The following PSMB7 variants were observed in gnomAD, a reference collection of about 807,000 sequenced individuals.
PSMB7 encodes the protein proteasome 20S subunit beta 7, also known as proteasome subunit beta type-7.
PSMB7 carries 5 observed loss-of-function variants against 28.1 expected under a neutral mutation model. The ratio of observed to expected loss-of-function variants is 0.18; its 90% confidence interval spans 0.09 to 0.37. PSMB7 has a LOEUF of 0.37. PSMB7 is among the 10% of genes least tolerant of loss of function. The pLI is 1.00. For missense variants in PSMB7, 275 were observed against 346.2 expected (o/e 0.79, Z 1.63); for synonymous variants, 122 against 123.7 (o/e 0.99, Z 0.09).
At chr9:124,381,817 G>A (rs941027056) in intron 6 of PSMB7, among the ~76,000 whole-genome samples, 5 of 152,150 alleles carry the variant, frequency 3.3e-5, no homozygotes, top group Non-Finnish European at 7.3e-5. Context: ...ACAGTTAGTG[G>A]CTTGGTCTTC....
At chr9:124,402,465 CT>C (rs1830920661) in intron 5 of PSMB7, among the ~76,000 whole-genome samples, 1 of 152,158 alleles carries the variant, frequency 6.6e-6, no homozygotes. Flanking sequence ...AATTTGATGA[CT>C]TTATCAAGGT....
At position 124,361,984 on chromosome 9, in the gene PSMB7, A is replaced by T. The variant is rs184940556; in HGVS notation, c.571-5069T>A. 2.6e-3 allele frequency among the ~76,000 whole-genome samples: 396 copies of T among 152,362 alleles called. 6 individuals are homozygous for T. Among genetic ancestry groups the T allele is most frequent in the Admixed American group, 0.023 (359 of 15,308 alleles). ...GTGCCAGCCAATGGGCACTCTGGAC[A>T]GTTCAGCATCAAATTAATACTCTTT... On this transcript the variant is annotated intron_variant, in intron 6 of 7. Coordinates refer to ENST00000259457, the MANE Select transcript of PSMB7 (RefSeq NM_002799.4).
chr9:124,410,442 T>C (rs559761331), intron 4 of PSMB7, among the ~76,000 whole-genome samples: 34 of 152,288 alleles, frequency 2.2e-4, no homozygotes, highest in Admixed American at 5.2e-4. Flanking sequence ...CTTTATTACA[T>C]AGACACATCG....
chr9:124,384,542 C>T, intron 6 of PSMB7, 56 bp downstream of exon 6: 1 of 1,511,980 alleles, frequency 6.6e-7, no homozygotes, highest in Non-Finnish European at 9.1e-7. Flanking sequence ...TGTAAATGTT[C>T]AAGATAAAAC....
chr9:124,414,611 T>TAAAA (rs11418169), intron 2 of PSMB7, among the ~76,000 whole-genome samples: 2 of 141,062 alleles, frequency 1.4e-5, no homozygotes, highest in Non-Finnish European at 3.1e-5. Context: ...CTGACCTGTT[T>TAAAA]AAAAAAAAAA....
chr9:124,406,725 G>A lies in PSMB7; in HGVS notation c.396-1293C>T, dbSNP rs549340669. On this transcript the variant is annotated intron_variant, in intron 4 of 7. Transcript: ENST00000259457. The stretch of plus-strand genomic sequence containing the variant: ...CATAGGATAAACTTACACTTCCTCA[G>A]GAACATCACAGGAATATATTTTCCA... Among the ~76,000 whole-genome samples the A allele has an allele frequency of 2.0e-5, 3 of 152,204 alleles. No individual in the cohort carries two copies. In the East Asian group the frequency reaches 5.8e-4, roughly 29 times the overall value.
At chr9:124,411,928 A>T (rs947185235) in intron 4 of PSMB7, among the ~76,000 whole-genome samples, 6 of 151,712 alleles carry the variant, frequency 4.0e-5, no homozygotes, top group Admixed American at 3.9e-4. Context: ...CCAATTATAA[A>T]TATCACTTTT....
chr9:124,358,476 G>A (rs550891948), intron 6 of PSMB7, among the ~76,000 whole-genome samples: 8 of 152,134 alleles, frequency 5.3e-5, no homozygotes, highest in Non-Finnish European at 1.2e-4. Flanking sequence ...GCATTCAAAC[G>A]GGATCCGCTA....
At chr9:124,357,923 T>G (rs1830428837) in intron 6 of PSMB7, among the ~76,000 whole-genome samples, 1 of 152,138 alleles carries the variant, frequency 6.6e-6, no homozygotes, top group African/African-American at 2.4e-5. Context: ...CACGAGGCAC[T>G]CAGAAAACAG....
rs766865147 is a variant in PSMB7, at chr9:124,353,692, C to A, written c.740G>T (p.Cys247Phe). 2 of 1,613,374 alleles carry A rather than the reference C, an allele frequency of 1.2e-6. No individual in the cohort carries two copies. Among genetic ancestry groups the A allele is most frequent in the East Asian group, 2.2e-5 (1 of 44,898 alleles). ...KKGTRLGRYR[C>F]EKGTTAVLTE... The stretch of plus-strand genomic sequence containing the variant: ...GAGGACTGCAGTAGTCCCTTTCTCA[C>A]ACCTGTACCGGCCAAGCCTAGTAAG... The change falls in exon 8 of 8, where the codon TGT becomes TTT. Residue 247 changes from cysteine to phenylalanine, a missense_variant. Physicochemically the swap from Cys to Phe is radical, Grantham distance 205. Coordinates refer to ENST00000259457, the MANE Select transcript of PSMB7 (RefSeq NM_002799.4).
chr9:124,403,450 G>A (rs1233452375), intron 5 of PSMB7, among the ~76,000 whole-genome samples: 1 of 152,102 alleles, frequency 6.6e-6, no homozygotes, highest in Non-Finnish European at 1.5e-5. Flanking sequence ...ACCTGAGCCC[G>A]GGGAAGTCGA....
chr9:124,385,642 A>G (rs796609181), intron 5 of PSMB7, among the ~76,000 whole-genome samples: 18 of 152,338 alleles, frequency 1.2e-4, no homozygotes, highest in African/African-American at 4.3e-4. Flanking sequence ...TTTGCATAAC[A>G]CTATCTATTT....
chr9:124,365,852 T>C (rs980999224), intron 6 of PSMB7, among the ~76,000 whole-genome samples: 3 of 152,114 alleles, frequency 2.0e-5, no homozygotes, highest in Non-Finnish European at 2.9e-5. Context: ...GAGGTTCAGG[T>C]TGCAGTGAGC....
intron 5 of PSMB7, among the ~76,000 whole-genome samples, chr9:124,401,658 C>G (rs1830908912): frequency 6.6e-6 from 1 of 152,190 alleles, no homozygotes. Context: ...TATCTGAGGA[C>G]AAAGACCCTG....
chr9:124,360,806 C>G (rs536054000), intron 6 of PSMB7, among the ~76,000 whole-genome samples: 1 of 152,200 alleles, frequency 6.6e-6, no homozygotes, highest in Non-Finnish European at 1.5e-5. Flanking sequence ...CTCTCCCGCT[C>G]TGTAATATAA....
intron 6 of PSMB7, among the ~76,000 whole-genome samples, chr9:124,364,385 A>C (rs1830488740): frequency 6.6e-6 from 1 of 152,194 alleles, no homozygotes; most frequent in Non-Finnish European, 1.5e-5. Flanking sequence ...GGAAGGAAAA[A>C]TACCTAAGCT....
In PSMB7 at chr9:124,353,692, C is replaced by G; in HGVS notation, c.740G>C (p.Cys247Ser). ...GAGGACTGCAGTAGTCCCTTTCTCA[C>G]ACCTGTACCGGCCAAGCCTAGTAAG... ...KKGTRLGRYR[C>S]EKGTTAVLTE... Residue 247 changes from cysteine (C) to serine (S), a missense_variant, in exon 8 of 8, where the codon TGT becomes TCT. Cys to Ser is a moderately radical substitution (Grantham distance 112, BLOSUM62 -1). Coordinates refer to ENST00000259457, the MANE Select transcript of PSMB7 (RefSeq NM_002799.4). The G allele has an allele frequency of 6.2e-7, 1 of 1,613,492 alleles. No individual in the cohort carries two copies. Among genetic ancestry groups the G allele is most frequent in the Non-Finnish European group, 8.5e-7 (1 of 1,179,382 alleles).
rs1489823964 is a variant in PSMB7 at position 124,415,136 on chromosome 9, G to A, written c.63-201C>T. 6 of 631,748 alleles carry A rather than the reference G, an allele frequency of 9.5e-6. No homozygotes were observed. The East Asian group carries it at 1.6e-4, about 17-fold the overall frequency. 39.1% of individuals were successfully genotyped at this position (631,748 alleles called of 1,614,324 possible). Reference sequence around the variant, plus strand: ...ACAAAGGGGCCGTGACGTGCCTTAGGAGACGGAGATAAACGGTGGCCGAGT... The same window carrying A: ...ACAAAGGGGCCGTGACGTGCCTTAGAAGACGGAGATAAACGGTGGCCGAGT... On this transcript the variant is annotated intron_variant, in intron 1 of 7. Transcript: ENST00000259457.
intron 4 of PSMB7, among the ~76,000 whole-genome samples, chr9:124,410,040 G>A (rs866354585): frequency 6.5e-5 from 9 of 139,222 alleles, no homozygotes; most frequent in Middle Eastern, 4.5e-3. Flanking sequence ...ACGGAGTCTC[G>A]CACTTTCACC....
Sources: gnomAD v4.1 joint callset for allele counts (sites outside exome capture counted in the v4.1 genomes callset) on GRCh38, gnomAD v4.1.1 for gene constraint, MANE v1.5 for transcripts, NCBI Gene and HGNC (gene_info 2026-07-23, HGNC 2026-07-21) for gene names.